EIF4E: variants seen among roughly 807,000 people sequenced by gnomAD.
The protein encoded by EIF4E is eukaryotic translation initiation factor 4E, also known as eIF-4F 25 kDa subunit.
For synonymous variants in EIF4E, 71 were observed against 88.5 expected (o/e 0.80, Z 1.11); for missense variants, 113 against 265.6 (o/e 0.43, Z 3.99).
chr4:98,903,374 T>G (rs1724730151), intron 1 of EIF4E: 2 of 423,828 alleles, frequency 4.7e-6, no homozygotes, highest in Non-Finnish European at 9.1e-6. Flanking sequence ...TTTTTTTTTT[T>G]GTATTTTATT....
chr4:98,882,928 C>T (rs892108701), intron 6 of EIF4E, among the ~76,000 whole-genome samples: 16 of 152,090 alleles, frequency 1.1e-4, no homozygotes, highest in African/African-American at 3.6e-4. Context: ...TTATGGAACC[C>T]CATATAGCAT....
intron 1 of EIF4E, among the ~76,000 whole-genome samples, chr4:98,912,315 G>A (rs1396853915): frequency 6.6e-6 from 1 of 151,612 alleles, no homozygotes; most frequent in Non-Finnish European, 1.5e-5. Context: ...GGTGGCTCAT[G>A]CCTGTAATCC....
chr4:98,908,791 C>A (rs1724988311), intron 1 of EIF4E, among the ~76,000 whole-genome samples: 1 of 152,120 alleles, frequency 6.6e-6, no homozygotes, highest in Non-Finnish European at 1.5e-5. Context: ...CGTGAAACAA[C>A]CATTATTCTC....
intron 1 of EIF4E, chr4:98,903,579 A>G (rs751694713): frequency 1.8e-4 from 76 of 422,598 alleles, no homozygotes; most frequent in Middle Eastern, 1.2e-3. Context: ...CCTGAGCTCA[A>G]GCAATCCTCC....
chr4:98,892,855 A>G (rs528680550), intron 2 of EIF4E, among the ~76,000 whole-genome samples: 1 of 152,168 alleles, frequency 6.6e-6, no homozygotes, highest in Non-Finnish European at 1.5e-5. Flanking sequence ...TGCTGCATAG[A>G]TATGTTCTGA....
At chr4:98,928,990 A>C in intron 1 of EIF4E, 105 bp downstream of exon 1, 1 of 1,572,764 alleles carries the variant, frequency 6.4e-7, no homozygotes, top group Non-Finnish European at 8.6e-7. Context: ...AAGGGGCGGC[A>C]AGGGGTACAG....
chr4:98,909,516 A>C, intron 1 of EIF4E: 1 of 596,662 alleles, frequency 1.7e-6, no homozygotes, highest in South Asian at 2.3e-5. Flanking sequence ...TAATGCAAAA[A>C]ACACCCTGTA....
chr4:98,893,829 C>A (rs1014372973), intron 2 of EIF4E, among the ~76,000 whole-genome samples: 1 of 152,202 alleles, frequency 6.6e-6, no homozygotes, highest in Non-Finnish European at 1.5e-5. Flanking sequence ...TCAATCCTTT[C>A]GGAAGGTTTT....
At chr4:98,886,331 T>G in intron 5 of EIF4E, 1 of 287,666 alleles carries the variant, frequency 3.5e-6, no homozygotes, top group South Asian at 3.0e-5. Context: ...ATTTAATTTG[T>G]CTTGTAAAGC....
At chr4:98,883,393 A>AATTT (rs34903883) in intron 6 of EIF4E, among the ~76,000 whole-genome samples, 3 of 103,898 alleles carry the variant, frequency 2.9e-5, no homozygotes, top group Admixed American at 1.4e-4. Context: ...TGTAAGTCAA[A>AATTT]TTTTTTTTTT....
intron 2 of EIF4E, among the ~76,000 whole-genome samples, chr4:98,892,113 G>A (rs1724165205): frequency 6.6e-6 from 1 of 152,086 alleles, no homozygotes; most frequent in African/African-American, 2.4e-5. Context: ...CTGGGAGGCT[G>A]AGGTGGGCGG....
chr4:98,905,407 A>C (rs1038950458), intron 1 of EIF4E, among the ~76,000 whole-genome samples: 1 of 152,192 alleles, frequency 6.6e-6, no homozygotes, highest in Non-Finnish European at 1.5e-5. Flanking sequence ...AACGAATTTT[A>C]GGTGGGTAGA....
intron 1 of EIF4E, among the ~76,000 whole-genome samples, chr4:98,927,288 G>T (rs115827176): frequency 0.011 from 1,748 of 152,278 alleles, 11 homozygotes; most frequent in Non-Finnish European, 0.02. Flanking sequence ...GACAAGGTAA[G>T]GATAGTTTAC....
rs180672305 is a variant in EIF4E at position 98,896,145 on chromosome 4, G to A, written c.126-4813C>T. 2.7e-3 allele frequency among the ~76,000 whole-genome samples: 406 copies of A among 149,554 alleles called. 2 individuals carry two copies. The highest frequency in any genetic ancestry group is 9.9e-3 in the African/African-American group (388 of 39,132). ...TGGGAGGCGGAGGTTGCAGTGAGCC[G>A]AGATCGCACCACTGCACTCCAGCCT... On this transcript the variant is annotated intron_variant, in intron 2 of 6. Transcript: ENST00000450253.
intron 5 of EIF4E, among the ~76,000 whole-genome samples, chr4:98,885,331 C>T (rs1028695875): frequency 1.3e-5 from 2 of 152,170 alleles, no homozygotes; most frequent in South Asian, 2.1e-4. Context: ...TTCATTTGCT[C>T]TGCTGCTGCT....
intron 2 of EIF4E, among the ~76,000 whole-genome samples, chr4:98,894,927 G>A (rs1395099128): frequency 1.3e-5 from 2 of 152,172 alleles, no homozygotes; most frequent in Non-Finnish European, 2.9e-5. Context: ...AACATGTAGA[G>A]GCCACTGTAG....
In EIF4E at chr4:98,892,176, G is replaced by A. The variant is rs908842831; in HGVS notation, c.126-844C>T. Among the ~76,000 whole-genome samples the A allele has an allele frequency of 3.3e-5, 5 of 151,492 alleles. No homozygotes were observed. The East Asian group carries it at 5.8e-4, about 18-fold the overall frequency. On this transcript the variant is annotated intron_variant, in intron 2 of 6. Coordinates refer to ENST00000450253, the MANE Select transcript of EIF4E (RefSeq NM_001968.5). The stretch of plus-strand genomic sequence containing the variant: ...AGCCTGATCAACATGGAGAAACTCC[G>A]TCTCTAGGAAAAATACAAAACTAGC...
chr4:98,884,707 C>CTAAA (rs879298153), intron 6 of EIF4E, among the ~76,000 whole-genome samples: 18 of 151,688 alleles, frequency 1.2e-4, no homozygotes, highest in East Asian at 1.9e-4. Context: ...GACTCTATCT[C>CTAAA]TAAATAAATA....
intron 1 of EIF4E, among the ~76,000 whole-genome samples, chr4:98,913,948 G>A (rs1725257575): frequency 1.3e-5 from 2 of 151,656 alleles, no homozygotes; most frequent in African/African-American, 4.8e-5. Flanking sequence ...AAAGGTAACA[G>A]ATAAACAAAC....
Sources: gnomAD v4.1 joint callset for allele counts (sites outside exome capture counted in the v4.1 genomes callset) on GRCh38, gnomAD v4.1.1 for gene constraint, MANE v1.5 for transcripts, NCBI Gene and HGNC (gene_info 2026-07-23, HGNC 2026-07-21) for gene names.